The following CKAP5 variants were observed in gnomAD, a reference collection of about 807,000 sequenced individuals.
CKAP5 encodes cytoskeleton associated protein 5.
A neutral mutation model predicts 232.8 loss-of-function variants in CKAP5; 27 were observed. That is an observed-to-expected ratio of 0.12 (90% confidence interval 0.09 to 0.16). The LOEUF (loss-of-function observed/expected upper bound fraction) is 0.16, where lower values mean the gene tolerates loss of function less well. CKAP5 is among the 10% of genes least tolerant of loss of function. The pLI, the probability that CKAP5 is intolerant of heterozygous loss-of-function variation, is 1.00. For synonymous variants in CKAP5, 785 were observed against 841.1 expected, an observed-to-expected ratio of 0.93 and a Z score of 1.16; for missense variants, 1,838 against 2,424.7, an observed-to-expected ratio of 0.76 and a Z score of 5.08.
At chr11:46,811,559 C>G (rs945594040) in intron 4 of CKAP5, among the ~76,000 whole-genome samples, 11 of 152,148 alleles carry the variant, frequency 7.2e-5, no homozygotes, top group African/African-American at 2.7e-4. Flanking sequence ...TCACTGCAAC[C>G]TCTGCCTCCT....
Position 46,776,248 on chromosome 11 carries a change from TACTA to T in CKAP5, c.2991+3_2991+6del. The T allele has an allele frequency of 6.2e-7, 1 of 1,613,362 alleles. No individual in the cohort carries two copies. Among genetic ancestry groups the T allele is most frequent in the African/African-American group, 1.3e-5 (1 of 75,054 alleles). ...AGTAATGCACATGATTAATTTATGA[TACTA>T]ACCTCTTGCCTCAAGAAAGGATTTT... On this transcript the variant is annotated splice_donor_5th_base_variant and intron_variant, in intron 24 of 43. Transcript: ENST00000529230.
chr11:46,794,273 A>G (rs550672525), intron 13 of CKAP5, among the ~76,000 whole-genome samples: 1 of 152,276 alleles, frequency 6.6e-6, no homozygotes, highest in Non-Finnish European at 1.5e-5. Context: ...CCTGGGCAAC[A>G]CAGTGAAACC....
intron 38 of CKAP5, among the ~76,000 whole-genome samples, chr11:46,752,187 TATATATAC>T (rs1225969692): frequency 2.1e-4 from 14 of 67,914 alleles, no homozygotes; most frequent in Admixed American, 5.8e-4. Context: ...TATATATATA[TATATATAC>T]ACACACACAC....
At chr11:46,783,472 A>G in intron 17 of CKAP5, 104 bp from the exon 18 acceptor site, 1 of 654,646 alleles carries the variant, frequency 1.5e-6, no homozygotes, top group Non-Finnish European at 2.6e-6. Context: ...TCTGACGCTA[A>G]AACAACTGCA....
intron 32 of CKAP5, among the ~76,000 whole-genome samples, chr11:46,761,181 C>T (rs927245307): frequency 4.1e-5 from 6 of 146,458 alleles, no homozygotes; most frequent in African/African-American, 7.7e-5. Context: ...CCTGGGAGGT[C>T]GAGGCTGCGG....
At position 46,801,310 on chromosome 11, in the gene CKAP5, A is replaced by C; in HGVS notation, c.979-6T>G. 1.3e-6 allele frequency: 2 copies of C among 1,599,852 alleles called. No individual in the cohort carries two copies. The highest frequency in any genetic ancestry group is 1.7e-6 in the Non-Finnish European group (2 of 1,167,412). On this transcript the variant is annotated splice_region_variant and splice_polypyrimidine_tract_variant and intron_variant, in intron 8 of 43. Coordinates refer to ENST00000529230, the MANE Select transcript of CKAP5 (RefSeq NM_001008938.4). The stretch of plus-strand genomic sequence containing the variant: ...TTGGTGTCCTTTCCAACAACCTACA[A>C]AGGGGGGTAAAAAGGAAAACAAAAT...
At chr11:46,787,051 G>C (rs1032793021) in intron 16 of CKAP5, among the ~76,000 whole-genome samples, 21 of 152,090 alleles carry the variant, frequency 1.4e-4, no homozygotes, top group African/African-American at 5.1e-4. Flanking sequence ...CCGACTACTT[G>C]GGAGGCTGAA....
chr11:46,773,647 A>G (rs553709049), intron 24 of CKAP5, among the ~76,000 whole-genome samples: 1 of 151,522 alleles, frequency 6.6e-6, no homozygotes, highest in South Asian at 2.1e-4. Flanking sequence ...GATTCAAGCG[A>G]TTCTCCTGCC....
At position 46,763,117 on chromosome 11, in the gene CKAP5, G is replaced by A; in HGVS notation, c.3750C>T (p.Thr1250=). ...TTGTATTGGTGTCAAAAAACCTCAGGGTAAGCCACTTTAAGATAAGATCCA... is the reference window on the plus strand; with the variant it reads ...TTGTATTGGTGTCAAAAAACCTCAGAGTAAGCCACTTTAAGATAAGATCCA... ...GCLDLILKWL[T]LRFFDTNTSV... Residue 1250 remains threonine, a synonymous_variant, in exon 30 of 44, where the codon ACC becomes ACT. Transcript: ENST00000529230. 1 of 1,613,628 alleles carries A rather than the reference G, an allele frequency of 6.2e-7. No individual in the cohort carries two copies. The highest frequency in any genetic ancestry group is 8.5e-7 in the Non-Finnish European group (1 of 1,179,810).
chr11:46,766,597 GTAAAT>G (rs1420935892), intron 27 of CKAP5, among the ~76,000 whole-genome samples: 1 of 152,146 alleles, frequency 6.6e-6, no homozygotes, highest in Non-Finnish European at 1.5e-5. Flanking sequence ...ATTACAGGAA[GTAAAT>G]TAAATAATTC....
At chr11:46,830,103 T>G (rs898707742) in intron 1 of CKAP5, among the ~76,000 whole-genome samples, 4 of 151,938 alleles carry the variant, frequency 2.6e-5, no homozygotes, top group Non-Finnish European at 5.9e-5. Flanking sequence ...GGAGGGAGAT[T>G]TGACCCAATG....
At chr11:46,746,318 C>G (rs2065021412) in intron 42 of CKAP5, among the ~76,000 whole-genome samples, 1 of 152,154 alleles carries the variant, frequency 6.6e-6, no homozygotes, top group Non-Finnish European at 1.5e-5. Context: ...ATCCTGTGAG[C>G]AGTAATTCTC....
At chr11:46,792,453 T>A (rs1263470346) in intron 13 of CKAP5, among the ~76,000 whole-genome samples, 1 of 151,998 alleles carries the variant, frequency 6.6e-6, no homozygotes, top group Non-Finnish European at 1.5e-5. Context: ...CTCGGGAGGC[T>A]GAGGCAGGAG....
chr11:46,753,196 A>C (rs754509311), intron 37 of CKAP5, 114 bp downstream of exon 37: 3 of 760,810 alleles, frequency 3.9e-6, no homozygotes, highest in Middle Eastern at 2.4e-4. Flanking sequence ...GTGCCTAGGA[A>C]GTTGATTATG....
At chr11:46,802,553 G>GACACACACACACAC (rs372896887) in intron 8 of CKAP5, among the ~76,000 whole-genome samples, 26 of 142,554 alleles carry the variant, frequency 1.8e-4, no homozygotes, top group South Asian at 1.1e-3. Context: ...CAGACAGACA[G>GACACACACACACAC]ACAGACACAC....
intron 1 of CKAP5, among the ~76,000 whole-genome samples, chr11:46,825,609 G>A (rs1042763550): frequency 3.9e-5 from 6 of 152,222 alleles, no homozygotes; most frequent in Non-Finnish European, 7.4e-5. Flanking sequence ...ATCTGAATTT[G>A]ATTACCATTC....
intron 9 of CKAP5, among the ~76,000 whole-genome samples, chr11:46,800,771 A>G (rs1282680806): frequency 6.6e-6 from 1 of 152,244 alleles, no homozygotes; most frequent in East Asian, 1.9e-4. Flanking sequence ...AAAACAATGT[A>G]AAACACATTT....
At chr11:46,770,405 G>T (rs1446570747) in intron 25 of CKAP5, 2 of 356,724 alleles carry the variant, frequency 5.6e-6, no homozygotes, top group African/African-American at 2.1e-5. Context: ...AGGTAATATG[G>T]TTTTTTCCTC....
rs145146116 is a variant in CKAP5, at chr11:46,795,773, T to C, written c.1471A>G (p.Lys491Glu). Residue 491 changes from lysine (K) to glutamate (E), a missense_variant, in exon 13 of 44, where the codon AAA becomes GAA. This residue lies in a region of CKAP5 where 767 missense variants were observed against 954.6 expected (regional missense o/e 0.80). Transcript: ENST00000529230. ...DVDKLKLDKI[K>E]ECSEKVELIH... is the part of the protein sequence containing the mutation. ...AGTTCTACCTTTTCTGAACATTCTTTGATCTGGAGAATGAAAGTGAGATGA... is the reference window on the plus strand; with the variant it reads ...AGTTCTACCTTTTCTGAACATTCTTCGATCTGGAGAATGAAAGTGAGATGA... 29 of 1,612,162 alleles carry C rather than the reference T, an allele frequency of 1.8e-5. No individual in the cohort carries two copies. In the African/African-American group the frequency reaches 3.2e-4, roughly 18 times the overall value.
Sources: gnomAD v4.1 joint callset for allele counts (sites outside exome capture counted in the v4.1 genomes callset) on GRCh38, gnomAD v4.1.1 for gene constraint, gnomAD v4.1.1 regional missense constraint, MANE v1.5 for transcripts, NCBI Gene and HGNC (gene_info 2026-07-23, HGNC 2026-07-21) for gene names.